Variants in RIMS2 observed in about 807,000 individuals in gnomAD.
RIMS2 encodes the protein regulating synaptic membrane exocytosis 2.
RIMS2 carries 59 observed loss-of-function variants against 174.4 expected under a neutral mutation model. The observed-to-expected ratio is 0.34, with a 90% CI of 0.27 to 0.42. The LOEUF is 0.42. RIMS2 is among the 10% of genes least tolerant of loss of function. The pLI is 1.00. For synonymous variants in RIMS2, 606 were observed against 572.5 expected (o/e 1.06, Z -0.84); for missense variants, 1,620 against 1,666.3 (o/e 0.97, Z 0.48).
chr8:103,916,620 T>C (rs1440709973), intron 8 of RIMS2, 83 bp downstream of exon 11: 5 of 1,115,878 alleles, frequency 4.5e-6, no homozygotes, highest in East Asian at 5.0e-5. Flanking sequence ...TAATTTCTGA[T>C]TGCTTTATGG....
intron 19 of RIMS2, among the ~76,000 whole-genome samples, chr8:104,209,541 T>C (rs2099096238): frequency 6.6e-6 from 1 of 152,248 alleles, no homozygotes. Context: ...TATACTGTTG[T>C]TGTTTTCAAT....
At position 103,523,506 on chromosome 8, in the gene RIMS2, C is replaced by A. The variant is rs141488705; in HGVS notation, c.176+22444C>A. Among the ~76,000 whole-genome samples, 1,019 of 152,052 alleles carry A rather than the reference C, an allele frequency of 6.7e-3. 13 individuals carry two copies. Among genetic ancestry groups the A allele is most frequent in the African/African-American group, 0.022 (898 of 41,470 alleles). On this transcript the variant is annotated intron_variant, in intron 1 of 23. Coordinates refer to ENST00000504942, the Ensembl canonical transcript of RIMS2. ...GGAAAGTAGATAAGTTGAAAATGGA[C>A]CAGTAGGTTGGGGCAGGATTAGGCA...
intron 1 of RIMS2, among the ~76,000 whole-genome samples, chr8:103,586,861 C>A (rs1293466958): frequency 2.6e-5 from 4 of 151,142 alleles, no homozygotes; most frequent in Non-Finnish European, 4.4e-5. Context: ...GAAAAAAAAC[C>A]CAGAAGATCC....
intron 3 of RIMS2, among the ~76,000 whole-genome samples, chr8:103,772,441 A>T (rs1202396791): frequency 1.3e-5 from 2 of 152,106 alleles, no homozygotes; most frequent in African/African-American, 2.4e-5. Context: ...TGAAGTACTT[A>T]GTTATAAATC....
intron 19 of RIMS2, among the ~76,000 whole-genome samples, chr8:104,017,088 G>GT (rs1351298051): frequency 6.6e-6 from 1 of 151,594 alleles, no homozygotes; most frequent in Non-Finnish European, 1.5e-5. Flanking sequence ...TTTTTAAAGT[G>GT]TTTTTATAAA....
At chr8:104,050,571 T>C (rs1033561066) in intron 19 of RIMS2, among the ~76,000 whole-genome samples, 6 of 152,068 alleles carry the variant, frequency 3.9e-5, no homozygotes, top group Non-Finnish European at 8.8e-5. Context: ...AAACAGAAGA[T>C]AAACTAAGGG....
rs758516360 is a variant in RIMS2, at chr8:103,936,771, CTTTTATTTAT to C, written c.2547+50_2547+59del. 10 of 1,322,386 alleles carry C rather than the reference CTTTTATTTAT, an allele frequency of 7.6e-6. 1 individual carries two copies. In the African/African-American group the frequency reaches 1.5e-4, roughly 20 times the overall value. The allele number at this position is 1,322,386 out of a possible 1,614,324, so 81.9% of individuals were successfully genotyped here. On this transcript the variant is annotated intron_variant, in intron 13 of 23. Coordinates refer to ENST00000504942, the Ensembl canonical transcript of RIMS2. Reference sequence around the variant, plus strand: ...TATGCTATTCATGTTATCCTGAATACTTTTATTTATATAACTGTCAGTATAATTTCATTTG... The same window carrying C: ...TATGCTATTCATGTTATCCTGAATACATAACTGTCAGTATAATTTCATTTG...
At chr8:104,036,402 C>G (rs142717298) in intron 19 of RIMS2, among the ~76,000 whole-genome samples, 1 of 151,628 alleles carries the variant, frequency 6.6e-6, no homozygotes, top group South Asian at 2.1e-4. Context: ...CCGCCTGCCT[C>G]GGCCTCCCAA....
intron 1 of RIMS2, among the ~76,000 whole-genome samples, chr8:103,550,360 G>GA (rs1316036673): frequency 2.6e-5 from 4 of 152,112 alleles, no homozygotes; most frequent in African/African-American, 9.7e-5. Flanking sequence ...TGGCCCCTGG[G>GA]TACCATAATG....
intron 1 of RIMS2, among the ~76,000 whole-genome samples, chr8:103,516,174 C>T (rs1308466384): frequency 3.3e-5 from 5 of 152,070 alleles, no homozygotes; most frequent in African/African-American, 1.2e-4. Context: ...AAGTTAAAAT[C>T]TTGCTTTGTG....
At chr8:103,915,533 T>C (rs1044975079) in exon 7 of RIMS2, 1 of 1,607,726 alleles carries the variant, frequency 6.2e-7, no homozygotes, top group African/African-American at 1.3e-5. Flanking sequence ...GTCGGCTTTG[T>C]GCATTTATTA....
chr8:103,884,958 T>C (rs2099190972), intron 3 of RIMS2, among the ~76,000 whole-genome samples: 1 of 151,892 alleles, frequency 6.6e-6, no homozygotes, highest in Non-Finnish European at 1.5e-5. Context: ...TCTAAGCTGC[T>C]GAATAATAGT....
rs377268294 is a variant in RIMS2, at chr8:103,943,309, AT to A, written c.2701+387del. 3.0e-3 allele frequency among the ~76,000 whole-genome samples: 460 copies of A among 152,262 alleles called. 2 individuals are homozygous for A. The highest frequency in any genetic ancestry group is 0.01 in the African/African-American group (427 of 41,556). ...CATTTCCTCCTTTATTATTCTAGGT[AT>A]TTTATGAATATGTAGTATACCAAGT... On this transcript the variant is annotated intron_variant, in intron 14 of 23. Transcript: ENST00000504942.
chr8:104,008,518 T>C (rs1251610322), intron 17 of RIMS2, among the ~76,000 whole-genome samples: 1 of 151,612 alleles, frequency 6.6e-6, no homozygotes, highest in East Asian at 1.9e-4. Flanking sequence ...TGTTTAATAA[T>C]ACAGTATATG....
chr8:104,182,500 G>A lies in RIMS2; in HGVS notation c.3335-62416G>A, dbSNP rs372157651. On this transcript the variant is annotated intron_variant, in intron 19 of 23. Transcript: ENST00000504942. ...ACCTTTATTACCTCAAAAAGAAACC[G>A]CATACCCTTTAGCTATTCCTCCCCC... Among the ~76,000 whole-genome samples, 54 of 151,614 alleles carry A rather than the reference G, an allele frequency of 3.6e-4. No homozygotes were observed. The South Asian group carries it at 8.3e-3, about 23-fold the overall frequency.
chr8:104,199,539 G>A (rs1441676227), intron 19 of RIMS2, among the ~76,000 whole-genome samples: 2 of 152,148 alleles, frequency 1.3e-5, no homozygotes, highest in Non-Finnish European at 2.9e-5. Flanking sequence ...GAAATCGTCA[G>A]TATGCCAGAC....
At chr8:103,957,551 A>G (rs11784781) in intron 14 of RIMS2, among the ~76,000 whole-genome samples, 29,500 of 152,158 alleles carry the variant, frequency 0.19, 3,564 homozygotes, top group South Asian at 0.36. Context: ...ACTGGGAGTT[A>G]AACATTGAGA....
chr8:104,157,166 C>T (rs1047458978), intron 19 of RIMS2, among the ~76,000 whole-genome samples: 1 of 152,032 alleles, frequency 6.6e-6, no homozygotes, highest in Non-Finnish European at 1.5e-5. Flanking sequence ...ACAAGTGACT[C>T]AAGTATTGTA....
intron 3 of RIMS2, among the ~76,000 whole-genome samples, chr8:103,767,331 G>T (rs986268291): frequency 6.6e-6 from 1 of 151,840 alleles, no homozygotes; most frequent in African/African-American, 2.4e-5. Flanking sequence ...GGGACTACAA[G>T]TGTGCACCAC....
Sources: gnomAD v4.1 joint callset for allele counts (sites outside exome capture counted in the v4.1 genomes callset) on GRCh38, gnomAD v4.1.1 for gene constraint, MANE v1.5 for transcripts, NCBI Gene and HGNC (gene_info 2026-07-23, HGNC 2026-07-21) for gene names.